The following TNS3 variants were observed in gnomAD, a reference collection of about 807,000 sequenced individuals.
TNS3 encodes tensin-3.
A neutral mutation model predicts 140.9 loss-of-function variants in TNS3; 45 were observed. The observed-to-expected ratio is 0.32, with a 90% CI of 0.25 to 0.41. The LOEUF (loss-of-function observed/expected upper bound fraction) is 0.41. Among genes scored for constraint, TNS3 ranks in the 10% least tolerant of loss-of-function variants. The pLI is 1.00. For synonymous variants in TNS3, 815 were observed against 788.4 expected, an observed-to-expected ratio of 1.03 and a Z score of -0.56; for missense variants, 1,716 against 1,906.7, an observed-to-expected ratio of 0.90 and a Z score of 1.86.
intron 20 of TNS3, among the ~76,000 whole-genome samples, chr7:47,343,132 T>C (rs961588721): frequency 1.3e-5 from 2 of 152,202 alleles, no homozygotes; most frequent in Admixed American, 6.5e-5. Flanking sequence ...CACTGGAATC[T>C]AACACATGCT....
intron 17 of TNS3, among the ~76,000 whole-genome samples, chr7:47,353,568 A>C (rs1789809398): frequency 1.3e-5 from 2 of 152,214 alleles, no homozygotes; most frequent in Non-Finnish European, 2.9e-5. Flanking sequence ...ATGAAGACAC[A>C]CATGACTTTT....
chr7:47,561,724 C>T (rs573378575), intron 1 of TNS3, among the ~76,000 whole-genome samples: 63 of 152,306 alleles, frequency 4.1e-4, no homozygotes, highest in Middle Eastern at 6.8e-3. Context: ...TCCCAAGACT[C>T]GTCAAAAGGT....
intron 1 of TNS3, among the ~76,000 whole-genome samples, chr7:47,561,135 GC>G (rs1259135288): frequency 6.6e-6 from 1 of 152,254 alleles, no homozygotes; most frequent in Non-Finnish European, 1.5e-5. Context: ...AGATGCTCAT[GC>G]CTCTGTAGTC....
At chr7:47,302,335 C>A (rs1350312974) in intron 22 of TNS3, 63 bp from the exon 23 acceptor site, 2 of 1,324,590 alleles carry the variant, frequency 1.5e-6, no homozygotes, top group East Asian at 4.6e-5. Flanking sequence ...AACCTCTCAT[C>A]TGCTGTGATC....
At chr7:47,314,216 G>A (rs1787264333) in intron 20 of TNS3, among the ~76,000 whole-genome samples, 1 of 152,338 alleles carries the variant, frequency 6.6e-6, no homozygotes. Flanking sequence ...CAGTGACTGG[G>A]ACTGCAGACA....
At chr7:47,342,741 C>T (rs1234787471) in intron 20 of TNS3, among the ~76,000 whole-genome samples, 2 of 152,188 alleles carry the variant, frequency 1.3e-5, no homozygotes, top group East Asian at 3.9e-4. Context: ...AAGAGTGACC[C>T]ATAGAATGTG....
chr7:47,323,773 C>T (rs1265569683), intron 20 of TNS3, among the ~76,000 whole-genome samples: 1 of 152,062 alleles, frequency 6.6e-6, no homozygotes, highest in African/African-American at 2.4e-5. Context: ...TAAATAATGA[C>T]AAGTTATGTA....
At chr7:47,312,003 A>G (rs1321027159) in intron 20 of TNS3, among the ~76,000 whole-genome samples, 1 of 152,224 alleles carries the variant, frequency 6.6e-6, no homozygotes, top group Admixed American at 6.5e-5. Context: ...TCCATTATAG[A>G]AAAGCCCAGT....
rs771461531 is a variant in TNS3, at chr7:47,344,829, G to C, written c.2576C>G (p.Ala859Gly). ...TGGGCTGAACGGAGGATGGCGCAGC[G>C]CTGTTTTCACTGGAAAAGAAAGCAG... Reference protein sequence around the residue: ...VSPETPYVKTALRHPPFSPPE... With the variant: ...VSPETPYVKTGLRHPPFSPPE... The change falls in exon 20 of 31, where the codon GCG becomes GGG. Residue 859 changes from alanine (A) to glycine (G), a missense_variant. Physicochemically the swap from Ala to Gly is moderately conservative, Grantham distance 60. Coordinates refer to ENST00000311160, the MANE Select transcript of TNS3 (RefSeq NM_022748.12). 1.8e-5 allele frequency: 29 copies of C among 1,613,668 alleles called. No homozygotes were observed. Among genetic ancestry groups the C allele is most frequent in the Non-Finnish European group, 2.5e-5 (29 of 1,179,956 alleles).
intron 20 of TNS3, among the ~76,000 whole-genome samples, chr7:47,321,682 C>T (rs1787743706): frequency 6.6e-6 from 1 of 152,210 alleles, no homozygotes; most frequent in African/African-American, 2.4e-5. Context: ...ATAATTACTC[C>T]TGTCTCATAG....
At position 47,303,581 on chromosome 7, in the gene TNS3, G is replaced by A; in HGVS notation, c.2826C>T (p.Ser942=). ...SNGPGQRRES[S]SSAERQWVES... ...CCACCCACTGGCGTTCTGCAGAAGA[G>A]GAGCTGTTCAAAAGACAAGCCGACC... Residue 942 remains serine (S), a synonymous_variant, in exon 22 of 31, where the codon TCC becomes TCT. Transcript: ENST00000311160. The A allele has an allele frequency of 6.3e-7, 1 of 1,589,474 alleles. No individual in the cohort carries two copies. Among genetic ancestry groups the A allele is most frequent in the Non-Finnish European group, 8.5e-7 (1 of 1,173,598 alleles).
chr7:47,435,454 T>C (rs952188194), intron 7 of TNS3, 50 bp from the exon 8 acceptor site: 1 of 1,605,458 alleles, frequency 6.2e-7, no homozygotes, highest in Non-Finnish European at 8.5e-7. Context: ...TAAAACCTTC[T>C]GAGGCCATCT....
chr7:47,424,021 A>G (rs552720077), intron 10 of TNS3, 80 bp downstream of exon 10: 747 of 1,376,176 alleles, frequency 5.4e-4, no homozygotes, highest in Non-Finnish European at 7.1e-4. Flanking sequence ...GGGACAGAGG[A>G]GATGCCTCTT....
chr7:47,329,335 G>T (rs988436319), intron 20 of TNS3, among the ~76,000 whole-genome samples: 1 of 152,172 alleles, frequency 6.6e-6, no homozygotes, highest in Admixed American at 6.5e-5. Flanking sequence ...GCAGGTCCCC[G>T]TTCCTCCTGG....
At chr7:47,492,131 G>A (rs760297254) in intron 3 of TNS3, among the ~76,000 whole-genome samples, 13 of 152,206 alleles carry the variant, frequency 8.5e-5, no homozygotes, top group Non-Finnish European at 1.9e-4. Flanking sequence ...CTTTCCAACT[G>A]TGTGCCAGTG....
chr7:47,447,803 A>G (rs886894114), intron 4 of TNS3, among the ~76,000 whole-genome samples: 1 of 152,220 alleles, frequency 6.6e-6, no homozygotes, highest in Non-Finnish European at 1.5e-5. Flanking sequence ...TGCCAAGACC[A>G]GCGGACAACT....
chr7:47,451,256 T>C (rs1796000160), intron 4 of TNS3, among the ~76,000 whole-genome samples: 1 of 152,116 alleles, frequency 6.6e-6, no homozygotes, highest in African/African-American at 2.4e-5. Context: ...TGACCAGCCC[T>C]GAAAACTAGC....
intron 20 of TNS3, among the ~76,000 whole-genome samples, chr7:47,332,026 C>T (rs1231284729): frequency 1.3e-5 from 2 of 152,220 alleles, no homozygotes; most frequent in African/African-American, 4.8e-5. Flanking sequence ...CTTCTTCAGC[C>T]CTCTCAGTGA....
chr7:47,574,633 A>ACCCC (rs1800631714), intron 1 of TNS3, among the ~76,000 whole-genome samples: 1 of 151,958 alleles, frequency 6.6e-6, no homozygotes, highest in Admixed American at 6.6e-5. Context: ...ACAGACACAC[A>ACCCC]CACACACACA....
Sources: allele counts gnomAD v4.1 joint callset (sites outside exome capture counted in the v4.1 genomes callset), GRCh38; gene constraint gnomAD v4.1.1; transcripts MANE v1.5; gene names NCBI Gene and HGNC (gene_info 2026-07-23, HGNC 2026-07-21).